Variants in ZNF75A observed in about 807,000 individuals in gnomAD.
ZNF75A encodes the protein zinc finger protein 75A.
A neutral mutation model predicts 46.3 loss-of-function variants in ZNF75A; 36 were observed. The ratio of observed to expected loss-of-function variants is 0.78; its 90% CI spans 0.60 to 1.03. ZNF75A has a LOEUF of 1.03. Ranked by LOEUF, ZNF75A falls within the 50% of genes least tolerant of loss-of-function variation. The pLI, the probability that ZNF75A is intolerant of heterozygous loss-of-function variation, is 0.00. For synonymous variants in ZNF75A, 234 were observed against 189.9 expected, an observed-to-expected ratio of 1.23 and a Z score of -1.91; for missense variants, 595 against 551.3, an observed-to-expected ratio of 1.08 and a Z score of -0.79.
chr16:3,308,881 G>A (rs1960487711), intron 2 of ZNF75A, 45 bp downstream of exon 2: 1 of 977,088 alleles, frequency 1.0e-6, no homozygotes, highest in African/African-American at 1.8e-5. Context: ...TAGGATGCAG[G>A]TGGATATAGT....
chr16:3,317,889 C>T lies in ZNF75A; in HGVS notation c.*20C>T, dbSNP rs1296115807. 2 of 1,557,558 alleles carry T rather than the reference C, an allele frequency of 1.3e-6. No homozygotes were observed. The highest frequency in any genetic ancestry group is 1.2e-5 in the South Asian group (1 of 82,638). ...CTGTGAAGAGAAGCTTGTCCAGTGT[C>T]CTCATTCTGAAGACATTCACCAAAT... is the stretch of plus-strand genomic sequence containing the variant. On this transcript the variant is annotated 3_prime_UTR_variant, in exon 7 of 7. Transcript: ENST00000669516.
intron 5 of ZNF75A, among the ~76,000 whole-genome samples, chr16:3,315,575 C>T (rs1961148537): frequency 6.6e-6 from 1 of 152,164 alleles, no homozygotes; most frequent in South Asian, 2.1e-4. Context: ...TCTACTTTGA[C>T]ATATCCTGAC....
chr16:3,317,270 A>T lies in ZNF75A; in HGVS notation c.1015A>T (p.Ile339Leu). The T allele has an allele frequency of 6.2e-7, 1 of 1,614,120 alleles. No individual in the cohort carries two copies. Among genetic ancestry groups the T allele is most frequent in the Non-Finnish European group, 8.5e-7 (1 of 1,180,030 alleles). Residue 339 changes from isoleucine to leucine, a missense_variant, in exon 7 of 7, where the codon ATA becomes TTA. Coordinates refer to ENST00000669516, the MANE Select transcript of ZNF75A (RefSeq NM_001302109.2). ...AGAAATACAAGCATCAGCAGGCGTC[A>T]TATCAAAAAAGGCCAAAGTAAAAGT... ...DLEIQASAGV[I>L]SKKAKVKVPQ...
At position 3,313,090 on chromosome 16, in the gene ZNF75A, G is replaced by A. The variant is rs373107599; in HGVS notation, c.738G>A (p.Gln246=). 64 of 1,613,590 alleles carry A rather than the reference G, an allele frequency of 4.0e-5. No individual in the cohort carries two copies. The highest frequency in any genetic ancestry group is 4.9e-5 in the Non-Finnish European group (58 of 1,179,852). ...TFEEVAMYFS[Q]EEWELLDPTQ... ...AAGAAGTGGCCATGTATTTTTCCCA[G>A]GAAGAATGGGAGTTATTGGATCCCA... Residue 246 remains glutamine, a synonymous_variant, in exon 5 of 7, where the codon CAG becomes CAA. Coordinates refer to ENST00000669516, the MANE Select transcript of ZNF75A (RefSeq NM_001302109.2).
downstream of ZNF75A, chr16:3,322,897 A>G (rs2029998287): frequency 4.1e-6 from 4 of 985,170 alleles, no homozygotes; most frequent in Non-Finnish European, 4.8e-6. Flanking sequence ...TTACTCATTC[A>G]CCAACATTAA....
chr16:3,312,346 AAAC>A lies in ZNF75A; in HGVS notation c.605-330_605-328del, dbSNP rs1166959081. 9 of 152,308 alleles carry A rather than the reference AAAC, an allele frequency of 5.9e-5. No homozygotes were observed. The East Asian group carries it at 1.7e-3, about 29-fold the overall frequency. 9.4% of individuals were successfully genotyped at this position (152,308 alleles called of 1,614,324 possible). On this transcript the variant is annotated intron_variant, in intron 3 of 6. Coordinates refer to ENST00000669516, the MANE Select transcript of ZNF75A (RefSeq NM_001302109.2). ...CAGGAAAAACATAATAAAAGACAAA[AAAC>A]TTCATCTCCTACCATACAGTGGAGT...
At chr16:3,314,939 C>T (rs976876967) in intron 5 of ZNF75A, 6 of 985,178 alleles carry the variant, frequency 6.1e-6, no homozygotes, top group African/African-American at 5.2e-5. Context: ...GAGAATGAAC[C>T]TCTGTGAGAG....
chr16:3,309,629 A>G (rs1177078030), intron 2 of ZNF75A, among the ~76,000 whole-genome samples: 2 of 151,272 alleles, frequency 1.3e-5, no homozygotes, highest in Non-Finnish European at 2.9e-5. Context: ...GGTGGCACAC[A>G]CCTGTGGTCC....
chr16:3,310,952 T>G (rs1323686669), intron 2 of ZNF75A: 1 of 985,322 alleles, frequency 1.0e-6, no homozygotes, highest in Admixed American at 6.2e-5. Context: ...TGGAGGTAGG[T>G]TGGAGCCACT....
rs1185187658 is a variant in ZNF75A at position 3,317,916 on chromosome 16, G to C, written c.*47G>C. The C allele has an allele frequency of 6.6e-7, 1 of 1,515,026 alleles. No homozygotes were observed. The highest frequency in any genetic ancestry group is 8.8e-7 in the Non-Finnish European group (1 of 1,132,930). 93.8% of individuals were successfully genotyped at this position (1,515,026 alleles called of 1,614,324 possible). The stretch of plus-strand genomic sequence containing the variant: ...TCATTCTGAAGACATTCACCAAATG[G>C]AGCTTGGCACTAAAATTTATGTAAA... On this transcript the variant is annotated 3_prime_UTR_variant, in exon 7 of 7. Transcript: ENST00000669516.
chr16:3,310,988 A>G (rs946404889), intron 2 of ZNF75A: 2 of 981,548 alleles, frequency 2.0e-6, no homozygotes, highest in Non-Finnish European at 2.4e-6. Flanking sequence ...TTCTATCCCC[A>G]TTCTCTGAAA....
At position 3,311,974 on chromosome 16, in the gene ZNF75A, TCTC is replaced by T. The variant is rs1960840150; in HGVS notation, c.604+29_604+31del. The T allele has an allele frequency of 1.1e-5, 11 of 978,014 alleles. No homozygotes were observed. In the East Asian group the frequency reaches 3.4e-4, roughly 30 times the overall value. The allele number at this position is 978,014 out of a possible 1,614,324, so 60.6% of individuals were successfully genotyped here. On this transcript the variant is annotated intron_variant, in intron 3 of 6. Transcript: ENST00000669516. ...GTAAGGAGCTTCATGATAATTTTCT[TCTC>T]CTGGGAGCTGTGATAATAGTTTATT...
At position 3,311,832 on chromosome 16, in the gene ZNF75A, C is replaced by CA. The variant is rs1236743014; in HGVS notation, c.489dup (p.Glu164ArgfsTer11). 5 of 1,046,992 alleles carry CA rather than the reference C, an allele frequency of 4.8e-6. No homozygotes were observed. In the African/African-American group the frequency reaches 8.5e-5, roughly 18 times the overall value. 64.9% of individuals were successfully genotyped at this position (1,046,992 alleles called of 1,614,324 possible). On this transcript the variant is annotated frameshift_variant, in exon 3 of 7. Transcript: ENST00000669516. LOFTEE classifies it high-confidence loss of function. ...GCCTCAAGTTTCGGGCTGAAGCCAACAGAGTCCCAACCAGTGGGCGTATCC... is the reference window on the plus strand; with the variant it reads ...GCCTCAAGTTTCGGGCTGAAGCCAACAAGAGTCCCAACCAGTGGGCGTATCC...
rs548257489 is a variant in ZNF75A, at chr16:3,318,030, C to T, written c.*161C>T. On this transcript the variant is annotated 3_prime_UTR_variant, in exon 7 of 7. Transcript: ENST00000669516. ...AAATAATCAAGACTTGCTCTGCAGCCACTCAGTAGTCTTCTGTGGTCACAG... is the reference window on the plus strand; with the variant it reads ...AAATAATCAAGACTTGCTCTGCAGCTACTCAGTAGTCTTCTGTGGTCACAG... 7 of 1,413,106 alleles carry T rather than the reference C, an allele frequency of 5.0e-6. No individual in the cohort carries two copies. The East Asian group carries it at 1.5e-4, about 31-fold the overall frequency. The allele number at this position is 1,413,106 out of a possible 1,614,324, so 87.5% of individuals were successfully genotyped here.
downstream of ZNF75A, among the ~76,000 whole-genome samples, chr16:3,321,115 T>C (rs1262182977): frequency 6.6e-6 from 1 of 152,224 alleles, no homozygotes; most frequent in Non-Finnish European, 1.5e-5. Flanking sequence ...TCAGATGATA[T>C]GAGAACAAAT....
chr16:3,309,928 A>G (rs1257103631), intron 2 of ZNF75A, among the ~76,000 whole-genome samples: 1 of 151,390 alleles, frequency 6.6e-6, no homozygotes, highest in Non-Finnish European at 1.5e-5. Context: ...CCTTGTTGCT[A>G]TGAAAAAAAA....
At chr16:3,311,343 C>T (rs536900054) in intron 2 of ZNF75A, among the ~76,000 whole-genome samples, 31 of 151,548 alleles carry the variant, frequency 2.0e-4, no homozygotes, top group African/African-American at 6.8e-4. Context: ...AAGGCTGAGG[C>T]AGGAGAATCA....
chr16:3,318,387 C>T lies in ZNF75A; in HGVS notation c.*518C>T, dbSNP rs544354318. 1.0e-6 allele frequency: 1 copy of T among 987,124 alleles called. No homozygotes were observed. Among genetic ancestry groups the T allele is most frequent in the Non-Finnish European group, 1.2e-6 (1 of 831,276 alleles). 61.1% of individuals were successfully genotyped at this position (987,124 alleles called of 1,614,324 possible). On this transcript the variant is annotated 3_prime_UTR_variant, in exon 7 of 7. Transcript: ENST00000669516. ...TCACAGTTTTTTACTGTGATGAAAT[C>T]TTGTTAACCACCACTAGGGAATCTC...
At chr16:3,313,235 G>A (rs568857709) in intron 5 of ZNF75A, 60 bp downstream of exon 5, 694 of 1,560,050 alleles carry the variant, frequency 4.4e-4, no homozygotes, top group Non-Finnish European at 5.7e-4. Flanking sequence ...TACTGAGAAG[G>A]AACCCCAGTG....
Sources: allele counts gnomAD v4.1 joint callset (sites outside exome capture counted in the v4.1 genomes callset), GRCh38; gene constraint gnomAD v4.1.1; transcripts MANE v1.5; gene names NCBI Gene and HGNC (gene_info 2026-07-23, HGNC 2026-07-21).